Variants in AP3B1 observed in about 807,000 individuals in gnomAD.
The protein encoded by AP3B1 is adaptor related protein complex 3 subunit beta 1, also known as AP-3 complex subunit beta-1.
A neutral mutation model predicts 132.5 loss-of-function variants in AP3B1; 61 were observed. The ratio of observed to expected loss-of-function variants is 0.46; its 90% CI spans 0.37 to 0.57. The LOEUF is 0.57. Among genes scored for constraint, AP3B1 ranks in the 20% least tolerant of loss-of-function variants. The pLI is 0.00. For missense variants in AP3B1, 1,120 were observed against 1,289.4 expected, an observed-to-expected ratio of 0.87 and a Z score of 2.01; for synonymous variants, 388 against 438.3, an observed-to-expected ratio of 0.89 and a Z score of 1.43.
chr5:78,037,796 T>C (rs2112097589), intron 23 of AP3B1, among the ~76,000 whole-genome samples: 1 of 152,332 alleles, frequency 6.6e-6, no homozygotes. Context: ...ATTTGGAAGA[T>C]ACAATGACAT....
rs566242074 is a variant in AP3B1, at chr5:78,274,584, T to C, written c.129-6989A>G. On this transcript the variant is annotated intron_variant, in intron 1 of 26. Transcript: ENST00000255194. ...ACATAAAACTACACCAGGTACAGCA[T>C]AGTCAAACTGCTGAAAACAAGAAAC... Among the ~76,000 whole-genome samples, 18 of 152,172 alleles carry C rather than the reference T, an allele frequency of 1.2e-4. No individual in the cohort carries two copies. The South Asian group carries it at 2.9e-3, about 25-fold the overall frequency.
intron 13 of AP3B1, among the ~76,000 whole-genome samples, chr5:78,158,293 C>CA (rs1169892614): frequency 6.6e-6 from 1 of 151,784 alleles, no homozygotes; most frequent in Non-Finnish European, 1.5e-5. Context: ...CCCAGGTCTA[C>CA]AAAAAATCCA....
intron 11 of AP3B1, among the ~76,000 whole-genome samples, chr5:78,173,199 A>C (rs1447292699): frequency 1.1e-4 from 16 of 152,152 alleles, no homozygotes. Context: ...TTTTAGAATA[A>C]GTGTGATGTG....
In AP3B1 at chr5:78,113,882, C is replaced by A; in HGVS notation, c.2119G>T (p.Gly707Trp). 6.2e-7 allele frequency: 1 copy of A among 1,614,190 alleles called. No homozygotes were observed. Among genetic ancestry groups the A allele is most frequent in the Non-Finnish European group, 8.5e-7 (1 of 1,180,040 alleles). The change falls in exon 19 of 27, where the codon GGG (glycine) becomes TGG (tryptophan). Residue 707 changes from glycine (G) to tryptophan (W), a missense_variant. By Grantham distance (184) the Gly-to-Trp change is radical. Around this residue, in one of 3 missense-constraint regions of AP3B1, gnomAD observed 906 missense variants for 997.1 expected, o/e 0.91. Coordinates refer to ENST00000255194, the MANE Select transcript of AP3B1 (RefSeq NM_003664.5). ...TCCTCATTGCTGTCTCCTTCCTCCCCACTTTCGCCTTGTTCTCCACTTTCA... is the reference window on the plus strand; with the variant it reads ...TCCTCATTGCTGTCTCCTTCCTCCCAACTTTCGCCTTGTTCTCCACTTTCA... ...GSESGEQGES[G>W]EEGDSNEDSS...
intron 11 of AP3B1, among the ~76,000 whole-genome samples, chr5:78,168,616 C>T (rs78946804): frequency 0.017 from 2,653 of 152,240 alleles, 73 homozygotes; most frequent in African/African-American, 0.061. Flanking sequence ...CGATTTGAGA[C>T]GATAGATGCC....
chr5:78,269,950 G>C (rs1315863348), intron 1 of AP3B1, among the ~76,000 whole-genome samples: 2 of 152,020 alleles, frequency 1.3e-5, no homozygotes, highest in African/African-American at 4.8e-5. Flanking sequence ...GTCTCACTCT[G>C]TCACCCAGGC....
At position 78,132,506 on chromosome 5, in the gene AP3B1, C is replaced by A. The variant is rs528889890; in HGVS notation, c.1651-3199G>T. ...GGCCTTTTTTCTACTAATGGAGCCA[C>A]CACATTAACAGCTATTGTTTCATTT... On this transcript the variant is annotated intron_variant, in intron 15 of 26. Transcript: ENST00000255194. 9.2e-5 allele frequency among the ~76,000 whole-genome samples: 14 copies of A among 152,190 alleles called. No individual in the cohort carries two copies. In the South Asian group the frequency reaches 2.9e-3, roughly 32 times the overall value.
intron 22 of AP3B1, among the ~76,000 whole-genome samples, chr5:78,077,874 G>A (rs772145964): frequency 3.2e-4 from 49 of 152,092 alleles, no homozygotes; most frequent in Non-Finnish European, 5.7e-4. Context: ...CTCATAACAC[G>A]CTGCTCTATG....
At chr5:78,087,505 T>C in intron 22 of AP3B1, 3 of 978,186 alleles carry the variant, frequency 3.1e-6, no homozygotes, top group Non-Finnish European at 3.6e-6. Flanking sequence ...TTCCTGTCCA[T>C]ATTTTATTGT....
chr5:78,222,935 T>C (rs758664648), intron 6 of AP3B1, among the ~76,000 whole-genome samples: 5 of 152,014 alleles, frequency 3.3e-5, no homozygotes, highest in Non-Finnish European at 7.4e-5. Context: ...TCTGAAGCAA[T>C]AGTTTCTCTG....
In AP3B1 at chr5:78,138,100, G is replaced by C. The variant is rs188469837; in HGVS notation, c.1650+3043C>G. Among the ~76,000 whole-genome samples the C allele has an allele frequency of 5.9e-5, 9 of 152,272 alleles. No homozygotes were observed. The East Asian group carries it at 1.7e-3, about 29-fold the overall frequency. ...TCAGTCAAAACAATTATTTTAGTCTGTCTTATATCTAATGGATTACACAAA... is the reference window on the plus strand; with the variant it reads ...TCAGTCAAAACAATTATTTTAGTCTCTCTTATATCTAATGGATTACACAAA... On this transcript the variant is annotated intron_variant, in intron 15 of 26. Coordinates refer to ENST00000255194, the MANE Select transcript of AP3B1 (RefSeq NM_003664.5).
intron 26 of AP3B1, among the ~76,000 whole-genome samples, chr5:78,003,895 C>T (rs1469821488): frequency 6.6e-6 from 1 of 152,196 alleles, no homozygotes. Flanking sequence ...ATTCTGCATG[C>T]ACAGTTGAGC....
chr5:78,227,606 A>T (rs1221429545), intron 4 of AP3B1, 74 bp from the exon 5 acceptor site: 4 of 1,449,950 alleles, frequency 2.8e-6, no homozygotes, highest in Non-Finnish European at 3.9e-6. Context: ...AGACACAGTT[A>T]ATAGGTGCTT....
At chr5:78,024,149 G>T (rs1393796308) in intron 24 of AP3B1, among the ~76,000 whole-genome samples, 1 of 152,126 alleles carries the variant, frequency 6.6e-6, no homozygotes, top group African/African-American at 2.4e-5. Flanking sequence ...AAACCTGATG[G>T]AGGGGAAGAC....
chr5:78,215,640 G>C (rs1745929734), intron 7 of AP3B1, among the ~76,000 whole-genome samples: 1 of 152,072 alleles, frequency 6.6e-6, no homozygotes, highest in Non-Finnish European at 1.5e-5. Context: ...ATTACTTTAG[G>C]TATAAATTCA....
chr5:78,024,236 T>C (rs1337383123), intron 24 of AP3B1, among the ~76,000 whole-genome samples: 3 of 152,138 alleles, frequency 2.0e-5, no homozygotes, highest in Non-Finnish European at 4.4e-5. Flanking sequence ...ATGGAATACA[T>C]ATATATAAAT....
chr5:78,087,566 T>C (rs1449980391), intron 22 of AP3B1: 1 of 985,330 alleles, frequency 1.0e-6, no homozygotes, highest in African/African-American at 1.7e-5. Context: ...TGTTTGATCA[T>C]TTTGTTAGCT....
chr5:78,055,578 C>T (rs1261905169), intron 22 of AP3B1, among the ~76,000 whole-genome samples: 2 of 152,030 alleles, frequency 1.3e-5, no homozygotes, highest in Non-Finnish European at 2.9e-5. Context: ...AGTGGCAGAG[C>T]TAAGATTGAA....
At chr5:78,120,129 C>T (rs1422812620) in intron 17 of AP3B1, among the ~76,000 whole-genome samples, 1 of 152,136 alleles carries the variant, frequency 6.6e-6, no homozygotes, top group East Asian at 1.9e-4. Context: ...ACTTTACAGA[C>T]AAGCAAATGC....
Sources: gnomAD v4.1 joint callset for allele counts (sites outside exome capture counted in the v4.1 genomes callset) on GRCh38, gnomAD v4.1.1 for gene constraint, gnomAD v4.1.1 regional missense constraint, MANE v1.5 for transcripts, NCBI Gene and HGNC (gene_info 2026-07-23, HGNC 2026-07-21) for gene names.